The following UST variants were observed in gnomAD, a reference collection of about 807,000 sequenced individuals.
UST encodes chondroitin sulfate 2-O-sulfotransferase.
UST carries 21 observed loss-of-function variants against 45.6 expected under a neutral mutation model. The ratio of observed to expected loss-of-function variants is 0.46; its 90% CI spans 0.33 to 0.66. The LOEUF (loss-of-function observed/expected upper bound fraction) is 0.66. UST is among the 30% of genes least tolerant of loss of function. The probability of loss-of-function intolerance (pLI) is 0.02; values close to 1 mark genes in which losing one functional copy is unlikely to be tolerated. For missense variants in UST, 463 were observed against 512.4 expected, an observed-to-expected ratio of 0.90 and a Z score of 0.93; for synonymous variants, 215 against 200.6, an observed-to-expected ratio of 1.07 and a Z score of -0.61.
At chr6:148,866,537 C>G (rs1488060692) in intron 1 of UST, among the ~76,000 whole-genome samples, 1 of 152,140 alleles carries the variant, frequency 6.6e-6, no homozygotes, top group Non-Finnish European at 1.5e-5. Flanking sequence ...AGTGAGTTGC[C>G]TAATGAACAA....
chr6:148,890,300 G>A (rs1778991303), intron 2 of UST, among the ~76,000 whole-genome samples: 1 of 152,108 alleles, frequency 6.6e-6, no homozygotes, highest in Admixed American at 6.5e-5. Context: ...GTGTCCCCTG[G>A]GGTGGGGCCT....
At chr6:148,801,276 A>G (rs139778662) in intron 1 of UST, among the ~76,000 whole-genome samples, 8 of 152,124 alleles carry the variant, frequency 5.3e-5, no homozygotes, top group East Asian at 1.9e-4. Flanking sequence ...AGTGTACTTC[A>G]TCTGTGGGAT....
chr6:148,768,268 A>G (rs1170079932), intron 1 of UST, among the ~76,000 whole-genome samples: 1 of 152,178 alleles, frequency 6.6e-6, no homozygotes, highest in Non-Finnish European at 1.5e-5. Flanking sequence ...CTTGTAAGAC[A>G]TGGGTCTTCT....
At chr6:148,868,675 C>T (rs950783464) in intron 1 of UST, among the ~76,000 whole-genome samples, 1 of 152,112 alleles carries the variant, frequency 6.6e-6, no homozygotes, top group African/African-American at 2.4e-5. Context: ...TAGGAATACC[C>T]AAACCCTGCC....
intron 5 of UST, among the ~76,000 whole-genome samples, chr6:148,983,706 C>T (rs1477682875): frequency 1.3e-5 from 2 of 152,150 alleles, no homozygotes; most frequent in East Asian, 1.9e-4. Context: ...CTGAAAAGAG[C>T]GTATGTTAAG....
chr6:148,942,451 G>A (rs1164755714), intron 3 of UST, among the ~76,000 whole-genome samples: 10 of 152,082 alleles, frequency 6.6e-5, no homozygotes, highest in Non-Finnish European at 4.4e-5. Flanking sequence ...CCAGCTATTC[G>A]GGAGGCGGAG....
At chr6:148,986,723 T>C (rs566672826) in intron 5 of UST, among the ~76,000 whole-genome samples, 2 of 152,348 alleles carry the variant, frequency 1.3e-5, no homozygotes, top group East Asian at 3.9e-4. Flanking sequence ...ATGCAAAAAA[T>C]TCCTGAAACC....
chr6:148,799,554 T>A (rs1777017536), intron 1 of UST, among the ~76,000 whole-genome samples: 1 of 152,164 alleles, frequency 6.6e-6, no homozygotes, highest in South Asian at 2.1e-4. Context: ...TTTGCATCCC[T>A]CCCTACTTAA....
At chr6:149,053,310 T>G (rs1453896118) in intron 7 of UST, among the ~76,000 whole-genome samples, 2 of 152,224 alleles carry the variant, frequency 1.3e-5, no homozygotes, top group Admixed American at 6.5e-5. Context: ...TAATTTGGTC[T>G]TGTTAGTCTG....
intron 5 of UST, among the ~76,000 whole-genome samples, chr6:149,007,716 GC>G (rs759101012): frequency 1.3e-5 from 2 of 151,904 alleles, no homozygotes; most frequent in African/African-American, 2.4e-5. Flanking sequence ...GAGCCACCGC[GC>G]CCGACCTCCA....
intron 1 of UST, among the ~76,000 whole-genome samples, chr6:148,872,960 C>T (rs1010680893): frequency 6.6e-6 from 1 of 152,100 alleles, no homozygotes; most frequent in South Asian, 2.1e-4. Flanking sequence ...TCTTTTGCCA[C>T]GTAAAGTAAC....
At chr6:148,861,811 C>T (rs1392316294) in intron 1 of UST, among the ~76,000 whole-genome samples, 3 of 152,020 alleles carry the variant, frequency 2.0e-5, no homozygotes, top group South Asian at 2.1e-4. Context: ...AGCGGTATTG[C>T]GGGTGTTCCT....
chr6:148,899,642 A>C (rs1299954937), intron 2 of UST, among the ~76,000 whole-genome samples: 1 of 152,238 alleles, frequency 6.6e-6, no homozygotes, highest in African/African-American at 2.4e-5. Flanking sequence ...ATATTTCATC[A>C]GTCCTTGTAT....
At chr6:149,068,313 C>T (rs1440665513) in intron 7 of UST, among the ~76,000 whole-genome samples, 2 of 152,206 alleles carry the variant, frequency 1.3e-5, no homozygotes. Flanking sequence ...ACCTCTGCCA[C>T]TTTCTGGCTG....
chr6:148,786,026 T>C (rs1582811111), intron 1 of UST, among the ~76,000 whole-genome samples: 1 of 152,020 alleles, frequency 6.6e-6, no homozygotes, highest in South Asian at 2.1e-4. Flanking sequence ...TTTTAAATAG[T>C]ATATAGTGCA....
intron 2 of UST, among the ~76,000 whole-genome samples, chr6:148,892,744 T>TA (rs1779044159): frequency 6.6e-6 from 1 of 152,234 alleles, no homozygotes; most frequent in South Asian, 2.1e-4. Context: ...ATTGTTCTTA[T>TA]ATTTTTCTAT....
chr6:148,836,136 G>A (rs1231381629), intron 1 of UST, among the ~76,000 whole-genome samples: 2 of 152,150 alleles, frequency 1.3e-5, no homozygotes, highest in East Asian at 1.9e-4. Flanking sequence ...AAACCCACAC[G>A]GGAGGGTTGG....
At chr6:148,898,243 A>T (rs1779174615) in intron 2 of UST, among the ~76,000 whole-genome samples, 1 of 152,188 alleles carries the variant, frequency 6.6e-6, no homozygotes, top group Admixed American at 6.5e-5. Flanking sequence ...ATTGCAAGTG[A>T]TAGGAAAATT....
intron 2 of UST, among the ~76,000 whole-genome samples, chr6:148,921,915 C>T (rs1026253193): frequency 6.6e-6 from 1 of 152,124 alleles, no homozygotes; most frequent in African/African-American, 2.4e-5. Flanking sequence ...GAGCAGGGCT[C>T]CAGTCCCCAC....
Sources: gnomAD v4.1 joint callset for allele counts (sites outside exome capture counted in the v4.1 genomes callset) on GRCh38, gnomAD v4.1.1 for gene constraint, MANE v1.5 for transcripts, NCBI Gene and HGNC (gene_info 2026-07-23, HGNC 2026-07-21) for gene names.